The following SDK1 variants were observed in gnomAD, a reference collection of about 807,000 sequenced individuals.
The protein encoded by SDK1 is protein sidekick-1.
SDK1 carries 157 observed loss-of-function variants against 245.5 expected under a neutral mutation model. The observed-to-expected ratio is 0.64, with a 90% CI of 0.56 to 0.73. SDK1 has a LOEUF of 0.73. SDK1 is among the 30% of genes least tolerant of loss of function. The pLI is 0.00. For missense variants in SDK1, 3,583 were observed against 3,002.3 expected (o/e 1.19, Z -4.52); for synonymous variants, 1,647 against 1,278.5 (o/e 1.29, Z -6.15).
chr7:3,713,040 T>C (rs1341724989), intron 4 of SDK1, among the ~76,000 whole-genome samples: 1 of 152,208 alleles, frequency 6.6e-6, no homozygotes, highest in Non-Finnish European at 1.5e-5. Context: ...GGCGTGCCCA[T>C]GTGGCTGGGG....
chr7:3,314,125 G>C (rs1779610746), intron 1 of SDK1, among the ~76,000 whole-genome samples: 1 of 152,156 alleles, frequency 6.6e-6, no homozygotes, highest in African/African-American at 2.4e-5. Context: ...AGGGGATTCA[G>C]CATCTGGTAG....
At chr7:4,213,603 C>T (rs1160259303) in intron 38 of SDK1, among the ~76,000 whole-genome samples, 1 of 151,808 alleles carries the variant, frequency 6.6e-6, no homozygotes, top group Non-Finnish European at 1.5e-5. Flanking sequence ...AAAACCAGTA[C>T]TTCATTCCAG....
chr7:4,245,941 C>T, intron 44 of SDK1, 136 bp downstream of exon 44: 1 of 1,079,372 alleles, frequency 9.3e-7, no homozygotes, highest in Non-Finnish European at 1.3e-6. Context: ...CAAAGGGCTT[C>T]ATTATGCAGA....
chr7:3,918,630 G>A (rs751493771), intron 5 of SDK1, among the ~76,000 whole-genome samples: 2 of 152,132 alleles, frequency 1.3e-5, no homozygotes, highest in Admixed American at 6.5e-5. Context: ...TAAATGGAAT[G>A]CACTTGAATC....
chr7:3,389,193 C>T (rs769698550), intron 1 of SDK1, among the ~76,000 whole-genome samples: 20 of 152,072 alleles, frequency 1.3e-4, no homozygotes, highest in Non-Finnish European at 2.5e-4. Flanking sequence ...CAATGATGTC[C>T]AGGTTCTAAT....
At chr7:3,336,045 C>G (rs1017435160) in intron 1 of SDK1, among the ~76,000 whole-genome samples, 8 of 152,302 alleles carry the variant, frequency 5.3e-5, no homozygotes, top group Non-Finnish European at 1.2e-4. Flanking sequence ...GCCTCCATCC[C>G]TGAACCACCA....
intron 4 of SDK1, among the ~76,000 whole-genome samples, chr7:3,700,602 T>A (rs958339636): frequency 3.3e-5 from 5 of 152,062 alleles, no homozygotes; most frequent in African/African-American, 1.2e-4. Context: ...AATAAAATGT[T>A]CAAGTAACAG....
intron 28 of SDK1, among the ~76,000 whole-genome samples, chr7:4,139,429 GTATA>G (rs1234884021): frequency 9.7e-5 from 13 of 133,800 alleles, no homozygotes; most frequent in Middle Eastern, 3.8e-3. Flanking sequence ...GTGTGTGTAT[GTATA>G]TATGTGTGTG....
chr7:3,698,313 A>T (rs1333378844), intron 4 of SDK1, among the ~76,000 whole-genome samples: 1 of 152,172 alleles, frequency 6.6e-6, no homozygotes, highest in African/African-American at 2.4e-5. Flanking sequence ...GTGTGGGGCC[A>T]AGGCTTGTGT....
At chr7:3,856,117 G>T (rs1780539361) in intron 5 of SDK1, among the ~76,000 whole-genome samples, 1 of 152,086 alleles carries the variant, frequency 6.6e-6, no homozygotes, top group East Asian at 1.9e-4. Context: ...AGTAAGGGAG[G>T]AATAAAGAAA....
intron 1 of SDK1, among the ~76,000 whole-genome samples, chr7:3,323,267 A>G (rs1221295312): frequency 3.3e-5 from 5 of 152,180 alleles, no homozygotes. Context: ...CATTCCCTGC[A>G]TCCGGCACAG....
At chr7:3,736,630 G>A (rs1779325360) in intron 4 of SDK1, among the ~76,000 whole-genome samples, 1 of 152,086 alleles carries the variant, frequency 6.6e-6, no homozygotes, top group Non-Finnish European at 1.5e-5. Context: ...CCCCACTACT[G>A]TGGGAGTTTT....
chr7:3,427,096 C>G (rs2128582787), intron 1 of SDK1, among the ~76,000 whole-genome samples: 1 of 152,322 alleles, frequency 6.6e-6, no homozygotes, highest in Middle Eastern at 3.4e-3. Flanking sequence ...ACACAACAAT[C>G]TTAATAACAG....
intron 1 of SDK1, among the ~76,000 whole-genome samples, chr7:3,486,823 T>G (rs1040625550): frequency 2.0e-5 from 3 of 152,212 alleles, no homozygotes; most frequent in Non-Finnish European, 4.4e-5. Flanking sequence ...CTTAGATAAT[T>G]TTTGTGAACA....
chr7:4,076,218 C>A (rs1780668690), intron 20 of SDK1, among the ~76,000 whole-genome samples: 1 of 152,170 alleles, frequency 6.6e-6, no homozygotes, highest in African/African-American at 2.4e-5. Flanking sequence ...TTAGTTGCAA[C>A]CGAAGAGCAA....
chr7:3,763,166 A>T (rs1301850252), intron 4 of SDK1, among the ~76,000 whole-genome samples: 1 of 152,170 alleles, frequency 6.6e-6, no homozygotes, highest in African/African-American at 2.4e-5. Context: ...GTCTTGGATA[A>T]ACTGTCTTTA....
intron 6 of SDK1, 59 bp from the exon 7 acceptor site, chr7:3,951,671 T>A: frequency 6.6e-7 from 1 of 1,507,064 alleles, no homozygotes; most frequent in South Asian, 1.1e-5. Context: ...CCTGAGATGA[T>A]GACCGTTGCC....
At position 3,791,568 on chromosome 7, in the gene SDK1, C is replaced by A. The variant is rs73308016; in HGVS notation, c.714-29882C>A. ...ATGTGGTTGCTGCCTGGCCTTCATC[C>A]CCTCAGTACCCAGGCAGAGACCGAG... On this transcript the variant is annotated intron_variant, in intron 4 of 44. Coordinates refer to ENST00000404826, the MANE Select transcript of SDK1 (RefSeq NM_152744.4). Among the ~76,000 whole-genome samples, 1,073 of 152,242 alleles carry A rather than the reference C, an allele frequency of 7.0e-3. 11 individuals are homozygous for A. Among genetic ancestry groups the A allele is most frequent in the African/African-American group, 0.024 (1,005 of 41,556 alleles).
At chr7:3,581,677 C>T (rs4722951) in intron 1 of SDK1, among the ~76,000 whole-genome samples, 30,917 of 152,116 alleles carry the variant, frequency 0.2, 3,440 homozygotes, top group South Asian at 0.35. Flanking sequence ...AATCGTTCTA[C>T]GACAAAGACA....
Sources: allele counts gnomAD v4.1 joint callset (sites outside exome capture counted in the v4.1 genomes callset), GRCh38; gene constraint gnomAD v4.1.1; transcripts MANE v1.5; gene names NCBI Gene and HGNC (gene_info 2026-07-23, HGNC 2026-07-21).